Variants in OTOGL observed in about 807,000 individuals in gnomAD.
The protein encoded by OTOGL is otogelin like.
OTOGL carries 285 observed loss-of-function variants against 318.5 expected under a neutral mutation model. The observed-to-expected ratio is 0.89, with a 90% CI of 0.81 to 0.99. The LOEUF (loss-of-function observed/expected upper bound fraction) is 0.99, where lower values mean the gene tolerates loss of function less well. OTOGL is among the 50% of genes least tolerant of loss of function. The pLI is 0.00. For missense variants in OTOGL, 2,899 were observed against 2,845.6 expected (o/e 1.02, Z -0.43); for synonymous variants, 987 against 936.5 (o/e 1.05, Z -0.99).
chr12:80,198,998 A>T (rs1001734790), intron 1 of OTOGL, among the ~76,000 whole-genome samples: 2 of 152,180 alleles, frequency 1.3e-5, no homozygotes, highest in African/African-American at 4.8e-5. Flanking sequence ...ATGCGTGTGC[A>T]TATTTATGTG....
intron 17 of OTOGL, 63 bp downstream of exon 17, chr12:80,256,523 A>AACAAAC (rs1592617054): frequency 1.3e-6 from 2 of 1,505,268 alleles, no homozygotes; most frequent in East Asian, 4.9e-5. Context: ...CAAACAAACA[A>AACAAAC]CACACGCAAA....
intron 44 of OTOGL, among the ~76,000 whole-genome samples, chr12:80,349,461 C>T (rs1337217664): frequency 5.3e-5 from 8 of 151,872 alleles, no homozygotes; most frequent in Non-Finnish European, 1.0e-4. Flanking sequence ...AGTGAGAGAA[C>T]ATGACCATTG....
intron 42 of OTOGL, 119 bp from the exon 43 acceptor site, chr12:80,338,956 A>T (rs1888576764): frequency 8.1e-6 from 7 of 862,980 alleles, no homozygotes; most frequent in Non-Finnish European, 1.2e-5. Context: ...TAAGAAATAC[A>T]TTTCTTAAAA....
chr12:80,178,945 C>G (rs984128659), intron 1 of OTOGL, among the ~76,000 whole-genome samples: 3 of 152,122 alleles, frequency 2.0e-5, no homozygotes, highest in African/African-American at 7.2e-5. Context: ...AGACTCCAAG[C>G]TCAGTAGAGA....
chr12:80,108,906 GTA>G (rs573138130), intron 1 of OTOGL, among the ~76,000 whole-genome samples: 2 of 124,640 alleles, frequency 1.6e-5, no homozygotes, highest in Non-Finnish European at 1.6e-5. Context: ...ATATATATGT[GTA>G]TATATATGTG....
chr12:80,313,660 T>G, intron 31 of OTOGL, 28 bp downstream of exon 31: 1 of 1,549,642 alleles, frequency 6.5e-7, no homozygotes, highest in Non-Finnish European at 8.8e-7. Flanking sequence ...AACATCATTA[T>G]GTAGAGAACT....
At chr12:80,129,168 G>A (rs555216606) in intron 1 of OTOGL, among the ~76,000 whole-genome samples, 114 of 152,198 alleles carry the variant, frequency 7.5e-4, no homozygotes, top group African/African-American at 2.6e-3. Flanking sequence ...GTTCCTATTC[G>A]GCCATCTTGG....
At chr12:80,220,817 C>A (rs1878249325) in intron 6 of OTOGL, among the ~76,000 whole-genome samples, 1 of 151,910 alleles carries the variant, frequency 6.6e-6, no homozygotes, top group Admixed American at 6.6e-5. Flanking sequence ...AAATACACAA[C>A]AGATACACAA....
intron 29 of OTOGL, among the ~76,000 whole-genome samples, chr12:80,307,602 C>A (rs1253295791): frequency 7.0e-6 from 1 of 143,380 alleles, no homozygotes; most frequent in African/African-American, 2.6e-5. Flanking sequence ...GGGCGGCTGG[C>A]TGGGCGGGGG....
In OTOGL at chr12:80,329,064, T is replaced by A; in HGVS notation, c.4293T>A (p.Ile1431=). The A allele has an allele frequency of 6.3e-7, 1 of 1,579,220 alleles. No homozygotes were observed. Among genetic ancestry groups the A allele is most frequent in the Non-Finnish European group, 8.6e-7 (1 of 1,168,934 alleles). Residue 1431 remains isoleucine, a synonymous_variant, in exon 37 of 59, where the codon ATT becomes ATA. Coordinates refer to ENST00000547103, the MANE Select transcript of OTOGL (RefSeq NM_001378609.3). ...CVYPRDCIPV[I]PTEPTLMPPA... is the part of the protein sequence containing the mutation. ...GTTTCTTTGTAGGTATACCTGTGAT[T>A]CCCACAGAACCAACATTAATGCCAC...
chr12:80,336,615 C>A lies in OTOGL; in HGVS notation c.4743+60C>A, dbSNP rs1360084615. On this transcript the variant is annotated intron_variant, in intron 40 of 58. Coordinates refer to ENST00000547103, the MANE Select transcript of OTOGL (RefSeq NM_001378609.3). ...ATAAATCTATAGCTAATGTCTATTG[C>A]AACATCAGGGATTCTCACAGGAGGA... 4 of 1,522,350 alleles carry A rather than the reference C, an allele frequency of 2.6e-6. No individual in the cohort carries two copies. In the Admixed American group the frequency reaches 7.3e-5, roughly 28 times the overall value. 94.3% of individuals were successfully genotyped at this position (1,522,350 alleles called of 1,614,324 possible). A position where few individuals can be genotyped will look rare whatever the true frequency, so the allele number is the denominator to read the frequency against.
chr12:80,341,895 C>A, intron 43 of OTOGL, 53 bp from the exon 44 acceptor site: 1 of 1,161,764 alleles, frequency 8.6e-7, no homozygotes. Flanking sequence ...TTTAGTTGTG[C>A]TGTCTACATT....
rs759455113 is a variant in OTOGL at position 80,320,515 on chromosome 12, C to T, written c.3896C>T (p.Ala1299Val). The T allele has an allele frequency of 9.9e-6, 16 of 1,613,484 alleles. No individual in the cohort carries two copies. Among genetic ancestry groups the T allele is most frequent in the Admixed American group, 3.3e-5 (2 of 59,900 alleles). ...NDTLSLELWEANSAFHRRATF... is the reference protein window; with the variant it reads ...NDTLSLELWEVNSAFHRRATF... ...ACTCTTAGCTTGGAGCTGTGGGAGG[C>T]GAATTCAGCCTTTCATCGGAGAGCA... Residue 1299 changes from alanine to valine, a missense_variant, in exon 34 of 59, where the codon GCG becomes GTG. Physicochemically the swap from Ala to Val is moderately conservative, Grantham distance 64. Coordinates refer to ENST00000547103, the MANE Select transcript of OTOGL (RefSeq NM_001378609.3).
In OTOGL at chr12:80,322,855, T is replaced by C. The variant is rs1887426274; in HGVS notation, c.4082-868T>C. ...AAGTTTTCTGAGAACAGCAACAGAA[T>C]ATTCTTCCTAGATTTGAGTTCATGA... is the stretch of plus-strand genomic sequence containing the variant. On this transcript the variant is annotated intron_variant, in intron 34 of 58. Coordinates refer to ENST00000547103, the MANE Select transcript of OTOGL (RefSeq NM_001378609.3). 2.0e-5 allele frequency among the ~76,000 whole-genome samples: 3 copies of C among 152,216 alleles called. No homozygotes were observed. The South Asian group carries it at 6.2e-4, about 31-fold the overall frequency.
intron 44 of OTOGL, among the ~76,000 whole-genome samples, chr12:80,346,081 G>C (rs1319518643): frequency 6.6e-6 from 1 of 152,134 alleles, no homozygotes; most frequent in African/African-American, 2.4e-5. Flanking sequence ...TTCTTACGTG[G>C]ATATTAAGGG....
rs536595012 is a variant in OTOGL, at chr12:80,132,965, C to T, written c.-20+33360C>T. 6.6e-5 allele frequency among the ~76,000 whole-genome samples: 10 copies of T among 152,278 alleles called. No homozygotes were observed. In the South Asian group the frequency reaches 2.1e-3, roughly 32 times the overall value. ...CAAGATGAATACTTAGCTTTTCCTTCTTTGTGCATCTCTCCTGTTACTTTT... is the reference window on the plus strand; with the variant it reads ...CAAGATGAATACTTAGCTTTTCCTTTTTTGTGCATCTCTCCTGTTACTTTT... On this transcript the variant is annotated intron_variant, in intron 1 of 58. Transcript: ENST00000547103.
At chr12:80,300,956 A>G (rs963848640) in intron 27 of OTOGL, among the ~76,000 whole-genome samples, 2 of 152,210 alleles carry the variant, frequency 1.3e-5, no homozygotes, top group South Asian at 4.1e-4. Context: ...TATATACAAT[A>G]TATACTGTTC....
chr12:80,219,111 T>C (rs1451518852), intron 5 of OTOGL, among the ~76,000 whole-genome samples: 2 of 151,928 alleles, frequency 1.3e-5, no homozygotes, highest in African/African-American at 4.8e-5. Flanking sequence ...ATTGACCCGA[T>C]TCTTTTTTTG....
At chr12:80,368,414 T>G in intron 55 of OTOGL, 105 bp downstream of exon 55, 1 of 656,984 alleles carries the variant, frequency 1.5e-6, no homozygotes, top group Non-Finnish European at 2.6e-6. Flanking sequence ...CTGCATACAA[T>G]AAACACAGTA....
Sources: gnomAD v4.1 joint callset for allele counts (sites outside exome capture counted in the v4.1 genomes callset) on GRCh38, gnomAD v4.1.1 for gene constraint, MANE v1.5 for transcripts, NCBI Gene and HGNC (gene_info 2026-07-23, HGNC 2026-07-21) for gene names.